MAGI3: variants seen among roughly 807,000 people sequenced by gnomAD.
MAGI3 encodes the protein membrane associated guanylate kinase, WW and PDZ domain containing 3.
A neutral mutation model predicts 121.8 loss-of-function variants in MAGI3; 43 were observed. The observed-to-expected ratio is 0.35, with a 90% CI of 0.28 to 0.46. The LOEUF (loss-of-function observed/expected upper bound fraction) is 0.46, where lower values mean the gene tolerates loss of function less well. MAGI3 is among the 20% of genes least tolerant of loss of function. MAGI3 has a pLI of 1.00. For synonymous variants in MAGI3, 553 were observed against 639.3 expected, an observed-to-expected ratio of 0.86 and a Z score of 2.04; for missense variants, 1,547 against 1,797.3, an observed-to-expected ratio of 0.86 and a Z score of 2.52.
chr1:113,486,305 G>A (rs2101573297), intron 1 of MAGI3, among the ~76,000 whole-genome samples: 1 of 152,228 alleles, frequency 6.6e-6, no homozygotes, highest in East Asian at 1.9e-4. Context: ...TTGGCCGTAT[G>A]GTCATTTTCA....
At chr1:113,432,353 G>A (rs1224740187) in intron 1 of MAGI3, among the ~76,000 whole-genome samples, 1 of 152,160 alleles carries the variant, frequency 6.6e-6, no homozygotes. Context: ...GAGAAGTCAA[G>A]TAATTTGCCT....
intron 1 of MAGI3, among the ~76,000 whole-genome samples, chr1:113,531,326 T>C (rs61819373): frequency 0.035 from 5,325 of 152,298 alleles, 127 homozygotes; most frequent in Non-Finnish European, 0.051. Flanking sequence ...TTGTTTAGAA[T>C]TGCTGGCACT....
At chr1:113,567,234 T>A (rs904332023) in intron 2 of MAGI3, among the ~76,000 whole-genome samples, 10 of 151,600 alleles carry the variant, frequency 6.6e-5, no homozygotes, top group Admixed American at 3.9e-4. Flanking sequence ...GACTGAATCA[T>A]AAAGAAATAA....
At chr1:113,493,438 G>A (rs373081838) in intron 1 of MAGI3, among the ~76,000 whole-genome samples, 138 of 152,232 alleles carry the variant, frequency 9.1e-4, no homozygotes, top group East Asian at 3.3e-3. Flanking sequence ...GGAAGACAAC[G>A]TAGGCAATAC....
chr1:113,411,961 G>A (rs1312568075), intron 1 of MAGI3, among the ~76,000 whole-genome samples: 2 of 151,938 alleles, frequency 1.3e-5, no homozygotes, highest in Non-Finnish European at 2.9e-5. Context: ...TGCCATGTTG[G>A]TTTGTTGCAC....
At chr1:113,616,742 A>G (rs987250575) in intron 7 of MAGI3, among the ~76,000 whole-genome samples, 5 of 152,214 alleles carry the variant, frequency 3.3e-5, no homozygotes, top group Admixed American at 6.5e-5. Context: ...TAAAATTAAC[A>G]TATAATTATA....
At chr1:113,578,631 C>A (rs901396774) in intron 2 of MAGI3, among the ~76,000 whole-genome samples, 2 of 151,958 alleles carry the variant, frequency 1.3e-5, no homozygotes, top group Admixed American at 1.3e-4. Flanking sequence ...CTATGTTGCC[C>A]AGGCTTGAGT....
intron 1 of MAGI3, among the ~76,000 whole-genome samples, chr1:113,535,178 CTTG>C (rs369125386): frequency 4.9e-4 from 74 of 152,114 alleles, no homozygotes; most frequent in Non-Finnish European, 9.7e-4. Flanking sequence ...GTCTTATTCT[CTTG>C]TTTTTATTGT....
At chr1:113,629,247 A>T (rs1485340718) in intron 9 of MAGI3, among the ~76,000 whole-genome samples, 2 of 151,232 alleles carry the variant, frequency 1.3e-5, no homozygotes, top group Non-Finnish European at 1.5e-5. Context: ...GTATTTTTCA[A>T]CTCTAGATTT....
intron 1 of MAGI3, among the ~76,000 whole-genome samples, chr1:113,416,359 TTTATA>T (rs1253162170): frequency 3.2e-5 from 4 of 125,540 alleles, no homozygotes; most frequent in African/African-American, 1.2e-4. Flanking sequence ...TATATATTAA[TTTATA>T]TTATATTAAT....
chr1:113,450,864 G>A (rs1654451434), intron 1 of MAGI3: 7 of 637,426 alleles, frequency 1.1e-5, no homozygotes, highest in Non-Finnish European at 1.7e-5. Flanking sequence ...CAGAAGGAAC[G>A]ATGATCCATA....
intron 1 of MAGI3, among the ~76,000 whole-genome samples, chr1:113,447,630 GAT>G (rs1654243876): frequency 6.6e-6 from 1 of 152,174 alleles, no homozygotes; most frequent in Admixed American, 6.5e-5. Flanking sequence ...GAGGCAGGTG[GAT>G]CACCTGAGGT....
intron 1 of MAGI3, among the ~76,000 whole-genome samples, chr1:113,408,801 A>G (rs928492206): frequency 3.3e-5 from 5 of 152,094 alleles, no homozygotes; most frequent in Non-Finnish European, 5.9e-5. Flanking sequence ...AGTTACAGCC[A>G]AAGTATTTGT....
intron 9 of MAGI3, among the ~76,000 whole-genome samples, chr1:113,638,886 C>T (rs1652239080): frequency 6.6e-6 from 1 of 152,214 alleles, no homozygotes; most frequent in South Asian, 2.1e-4. Context: ...TGGGCTCCAC[C>T]CAGTTCGAGC....
At chr1:113,473,708 A>G (rs1655661235) in intron 1 of MAGI3, among the ~76,000 whole-genome samples, 1 of 152,094 alleles carries the variant, frequency 6.6e-6, no homozygotes, top group African/African-American at 2.4e-5. Flanking sequence ...GCTATTGTGA[A>G]TAGTACTGCA....
chr1:113,463,731 G>A (rs973071298), intron 1 of MAGI3, among the ~76,000 whole-genome samples: 2 of 152,014 alleles, frequency 1.3e-5, no homozygotes, highest in African/African-American at 2.4e-5. Context: ...AGGATTGAGA[G>A]GAATTGGTAG....
intron 9 of MAGI3, among the ~76,000 whole-genome samples, chr1:113,636,450 A>G (rs1652030793): frequency 6.6e-6 from 1 of 152,204 alleles, no homozygotes; most frequent in Non-Finnish European, 1.5e-5. Flanking sequence ...TTGGTTTCAA[A>G]GAACATCTTT....
chr1:113,597,980 G>T (rs931452756), intron 6 of MAGI3, among the ~76,000 whole-genome samples: 2 of 152,134 alleles, frequency 1.3e-5, no homozygotes, highest in East Asian at 3.9e-4. Flanking sequence ...TTGGGAGGCT[G>T]TGGTGGGCGG....
intron 2 of MAGI3, among the ~76,000 whole-genome samples, chr1:113,569,838 A>G (rs1201576958): frequency 2.0e-5 from 3 of 152,180 alleles, no homozygotes; most frequent in Non-Finnish European, 4.4e-5. Flanking sequence ...ATGATTTACT[A>G]TAATATTCAG....
Sources: gnomAD v4.1 joint callset for allele counts (sites outside exome capture counted in the v4.1 genomes callset) on GRCh38, gnomAD v4.1.1 for gene constraint, MANE v1.5 for transcripts, NCBI Gene and HGNC (gene_info 2026-07-23, HGNC 2026-07-21) for gene names.